The following KANK1 variants were observed in gnomAD, a reference collection of about 807,000 sequenced individuals.
KANK1 encodes the protein KN motif and ankyrin repeat domain-containing protein 1.
Under a neutral mutation model 106.2 loss-of-function variants are expected in KANK1, and 109 were observed. That is an observed-to-expected ratio of 1.03 (90% CI 0.88 to 1.20). KANK1 has a LOEUF of 1.20. Among genes scored for constraint, KANK1 ranks in the 50% most tolerant of loss-of-function variants. The pLI is 0.00. For missense variants in KANK1, 2,399 were observed against 1,710.7 expected (o/e 1.40, Z -7.10); for synonymous variants, 873 against 652.2 (o/e 1.34, Z -5.16).
chr9:497,203 T>C (rs929679912), intron 3 of KANK1, among the ~76,000 whole-genome samples: 1 of 152,054 alleles, frequency 6.6e-6, no homozygotes. Flanking sequence ...CTTCAACATT[T>C]AGTCTCAAAA....
At chr9:679,837 T>C (rs986204007) in intron 2 of KANK1, among the ~76,000 whole-genome samples, 3 of 152,348 alleles carry the variant, frequency 2.0e-5, no homozygotes, top group Non-Finnish European at 4.4e-5. Flanking sequence ...GTTATATATT[T>C]CACATGGTTG....
chr9:628,183 GA>G (rs796172842), intron 1 of KANK1, among the ~76,000 whole-genome samples: 12 of 152,268 alleles, frequency 7.9e-5, no homozygotes, highest in African/African-American at 2.9e-4. Context: ...AAAACAAGTG[GA>G]CGGAGCTGTA....
At chr9:650,461 A>C (rs978926640) in intron 1 of KANK1, among the ~76,000 whole-genome samples, 2 of 152,120 alleles carry the variant, frequency 1.3e-5, no homozygotes, top group Non-Finnish European at 2.9e-5. Flanking sequence ...GTAGATTCTT[A>C]CTCCTGGGTC....
intron 1 of KANK1, among the ~76,000 whole-genome samples, chr9:574,657 C>G (rs895638974): frequency 4.0e-5 from 6 of 151,728 alleles, no homozygotes; most frequent in Non-Finnish European, 7.4e-5. Flanking sequence ...GAGTTCAAGA[C>G]CAGCCCGGCC....
chr9:555,599 C>G (rs1377772435), intron 1 of KANK1, among the ~76,000 whole-genome samples: 1 of 152,160 alleles, frequency 6.6e-6, no homozygotes, highest in Non-Finnish European at 1.5e-5. Flanking sequence ...CTTGCAGTGA[C>G]TGAGAATTAG....
chr9:507,981 T>C (rs1036577409), intron 1 of KANK1, among the ~76,000 whole-genome samples: 1 of 151,522 alleles, frequency 6.6e-6, no homozygotes, highest in Admixed American at 6.6e-5. Context: ...CCCCCACACT[T>C]GGCTAATTTT....
At chr9:563,756 C>T (rs1182264838) in intron 1 of KANK1, among the ~76,000 whole-genome samples, 1 of 152,122 alleles carries the variant, frequency 6.6e-6, no homozygotes, top group Non-Finnish European at 1.5e-5. Context: ...CTCTATGGTT[C>T]AGAAATGTTT....
At chr9:702,590 GAATA>G (rs1822958130) in intron 2 of KANK1, among the ~76,000 whole-genome samples, 1 of 152,170 alleles carries the variant, frequency 6.6e-6, no homozygotes, top group Non-Finnish European at 1.5e-5. Flanking sequence ...TCGAATGTGT[GAATA>G]AATGTTTTAT....
At chr9:724,516 G>A (rs753468267) in intron 3 of KANK1, among the ~76,000 whole-genome samples, 26 of 151,778 alleles carry the variant, frequency 1.7e-4, no homozygotes, top group Non-Finnish European at 2.9e-4. Flanking sequence ...GTGTTCTGGC[G>A]GCCAGGCACG....
chr9:730,291 G>A (rs1173200515), intron 4 of KANK1, 43 bp downstream of exon 4: 9 of 1,519,128 alleles, frequency 5.9e-6, no homozygotes, highest in African/African-American at 1.4e-5. Flanking sequence ...GGATTCTAGG[G>A]CCAGCATTGC....
intron 1 of KANK1, among the ~76,000 whole-genome samples, chr9:643,197 A>G (rs977195165): frequency 2.7e-5 from 4 of 150,860 alleles, no homozygotes; most frequent in African/African-American, 1.0e-4. Flanking sequence ...TTGAAATTTC[A>G]TACAGATTTT....
intron 1 of KANK1, among the ~76,000 whole-genome samples, chr9:612,995 A>G (rs1016721567): frequency 4.6e-5 from 7 of 152,172 alleles, no homozygotes; most frequent in Admixed American, 4.6e-4. Context: ...ATTTATATGT[A>G]CCAAATTAAA....
chr9:579,825 T>C (rs534342889), intron 1 of KANK1, among the ~76,000 whole-genome samples: 2 of 152,300 alleles, frequency 1.3e-5, no homozygotes, highest in African/African-American at 4.8e-5. Context: ...TAATCATCTT[T>C]GGCTCTAAGA....
intron 2 of KANK1, among the ~76,000 whole-genome samples, chr9:701,154 C>G (rs551796622): frequency 7.9e-5 from 12 of 152,154 alleles, no homozygotes; most frequent in African/African-American, 2.9e-4. Flanking sequence ...TTCACTCTTG[C>G]CCAGGCTGGA....
At chr9:716,427 A>G (rs2131119202) in intron 3 of KANK1, among the ~76,000 whole-genome samples, 1 of 152,332 alleles carries the variant, frequency 6.6e-6, no homozygotes, top group Admixed American at 6.5e-5. Context: ...TTTTGTTTTC[A>G]GCCTAAATTT....
chr9:526,455 G>A (rs2022173), intron 1 of KANK1, among the ~76,000 whole-genome samples: 62,136 of 151,436 alleles, frequency 0.41, 15,015 homozygotes, highest in African/African-American at 0.66. Context: ...GCTCGTGCCT[G>A]TAATCCCAAC....
chr9:614,594 G>T (rs1831354477), intron 1 of KANK1, among the ~76,000 whole-genome samples: 1 of 152,068 alleles, frequency 6.6e-6, no homozygotes, highest in African/African-American at 2.4e-5. Context: ...GTGCGGCAGG[G>T]TATTCTGCAT....
intron 1 of KANK1, among the ~76,000 whole-genome samples, chr9:658,807 G>T (rs1053451525): frequency 6.6e-6 from 1 of 152,080 alleles, no homozygotes; most frequent in Non-Finnish European, 1.5e-5. Context: ...ATCTGTGTGG[G>T]TCTATTTCTG....
At position 712,336 on chromosome 9, in the gene KANK1, G is replaced by T. The variant is rs1826372398; in HGVS notation, c.1570G>T (p.Asp524Tyr). Residue 524 changes from aspartate to tyrosine, a missense_variant, in exon 3 of 12, where the codon GAC becomes TAC. Transcript: ENST00000382297. Reference sequence around the variant, plus strand: ...GGTGGAGGCAGTGGTGCAGACCAGAGACCAAATGGTCGGCAGTCACATGGA... The same window carrying T: ...GGTGGAGGCAGTGGTGCAGACCAGATACCAAATGGTCGGCAGTCACATGGA... ...KVVEAVVQTR[D>Y]QMVGSHMDLV... 6.2e-7 allele frequency: 1 copy of T among 1,614,100 alleles called. No individual in the cohort carries two copies. The highest frequency in any genetic ancestry group is 1.1e-5 in the South Asian group (1 of 91,084).
Sources: gnomAD v4.1 joint callset for allele counts (sites outside exome capture counted in the v4.1 genomes callset) on GRCh38, gnomAD v4.1.1 for gene constraint, MANE v1.5 for transcripts, NCBI Gene and HGNC (gene_info 2026-07-23, HGNC 2026-07-21) for gene names.